CFAP20DC: variants seen among roughly 807,000 people sequenced by gnomAD.
CFAP20DC encodes the protein protein CFAP20DC.
A neutral mutation model predicts 101.7 loss-of-function variants in CFAP20DC; 84 were observed. That is an observed-to-expected ratio of 0.83 (90% CI 0.69 to 0.99). The LOEUF is 0.99. Among genes scored for constraint, CFAP20DC ranks in the 50% least tolerant of loss-of-function variants. The pLI is 0.00. For missense variants in CFAP20DC, 1,007 were observed against 970.3 expected, an observed-to-expected ratio of 1.04 and a Z score of -0.50; for synonymous variants, 359 against 351.2, an observed-to-expected ratio of 1.02 and a Z score of -0.25.
At chr3:58,800,669 A>G (rs1254388738) in intron 15 of CFAP20DC, among the ~76,000 whole-genome samples, 1 of 152,202 alleles carries the variant, frequency 6.6e-6, no homozygotes, top group East Asian at 1.9e-4. Flanking sequence ...CTTAAAGACT[A>G]GGGCTATTCC....
At chr3:58,822,018 C>T (rs1357766701) in intron 14 of CFAP20DC, among the ~76,000 whole-genome samples, 1 of 144,294 alleles carries the variant, frequency 6.9e-6, no homozygotes, top group Non-Finnish European at 1.5e-5. Context: ...AATTGGAAAT[C>T]ATCATTCTCA....
intron 4 of CFAP20DC, among the ~76,000 whole-genome samples, chr3:59,008,948 T>C (rs1294334555): frequency 6.6e-6 from 1 of 151,830 alleles, no homozygotes; most frequent in Non-Finnish European, 1.5e-5. Flanking sequence ...AAGAGATCCC[T>C]GCCATTATAA....
At chr3:58,930,817 G>A (rs981483804) in intron 5 of CFAP20DC, among the ~76,000 whole-genome samples, 2 of 152,258 alleles carry the variant, frequency 1.3e-5, no homozygotes, top group East Asian at 1.9e-4. Context: ...GAACAGCTCC[G>A]GTCTACAGCT....
chr3:58,886,028 T>C (rs181524016), intron 6 of CFAP20DC, among the ~76,000 whole-genome samples: 60 of 152,272 alleles, frequency 3.9e-4, no homozygotes, highest in Admixed American at 1.8e-3. Flanking sequence ...TGACCTCTTT[T>C]ATAGTAAATA....
chr3:58,819,404 TAAAG>T (rs1188684631), intron 14 of CFAP20DC, among the ~76,000 whole-genome samples: 2 of 150,418 alleles, frequency 1.3e-5, no homozygotes, highest in African/African-American at 2.4e-5. Flanking sequence ...GCAAGACTAA[TAAAG>T]AAAAAAAGAG....
rs1458143072 is a variant in CFAP20DC at position 58,912,569 on chromosome 3, TG to T, written c.550+1138del. ...ATAGAAACTTCTAAGTAATCACCTT[TG>T]ACATCTTATATGCAGCCCTGCTTCC... is the stretch of plus-strand genomic sequence containing the variant. On this transcript the variant is annotated intron_variant, in intron 6 of 16. Transcript: ENST00000482387. The surrounding 1 kb of genome is among the most constrained non-coding windows in gnomAD (Gnocchi z 4.4). 13 of 357,290 alleles carry T rather than the reference TG, an allele frequency of 3.6e-5. No individual in the cohort carries two copies. Among genetic ancestry groups the T allele is most frequent in the African/African-American group, 2.8e-4 (13 of 46,302 alleles). 22.1% of individuals were successfully genotyped at this position (357,290 alleles called of 1,614,324 possible).
chr3:58,865,538 T>C (rs748870655), intron 11 of CFAP20DC, among the ~76,000 whole-genome samples: 1 of 152,110 alleles, frequency 6.6e-6, no homozygotes, highest in Non-Finnish European at 1.5e-5. Flanking sequence ...TGCAGGGGCA[T>C]ATGGTCCTGA....
At position 59,049,644 on chromosome 3, in the gene CFAP20DC, C is replaced by A. The variant is rs1414908129; in HGVS notation, c.-13G>T. On this transcript the variant is annotated 5_prime_UTR_variant, in exon 1 of 17. Coordinates refer to ENST00000482387, the MANE Select transcript of CFAP20DC (RefSeq NM_001394063.1). ...CATTTTTGAACATTCCCGCAGGGGG[C>A]CCAGGGCTTGGGGGGCACAGAGTTC... 3.9e-6 allele frequency: 6 copies of A among 1,535,938 alleles called. No individual in the cohort carries two copies. The highest frequency in any genetic ancestry group is 4.4e-6 in the Non-Finnish European group (5 of 1,146,870).
At chr3:58,982,537 A>T (rs2092597378) in intron 4 of CFAP20DC, among the ~76,000 whole-genome samples, 1 of 152,122 alleles carries the variant, frequency 6.6e-6, no homozygotes, top group African/African-American at 2.4e-5. Context: ...TAAAAAATGA[A>T]GAGTTCATGT....
At chr3:58,758,539 A>ATTTG (rs2069178924) in intron 15 of CFAP20DC, among the ~76,000 whole-genome samples, 1 of 151,696 alleles carries the variant, frequency 6.6e-6, no homozygotes, top group Admixed American at 6.6e-5. Flanking sequence ...ATCCTTATTT[A>ATTTG]TTTATTTATT....
At chr3:58,791,494 A>T (rs2107636379) in intron 15 of CFAP20DC, among the ~76,000 whole-genome samples, 1 of 152,302 alleles carries the variant, frequency 6.6e-6, no homozygotes, top group Middle Eastern at 3.4e-3. Context: ...GAAACCCCTT[A>T]TTCTACTATA....
intron 15 of CFAP20DC, among the ~76,000 whole-genome samples, chr3:58,791,587 A>C (rs1048545606): frequency 6.6e-6 from 1 of 152,224 alleles, no homozygotes; most frequent in Non-Finnish European, 1.5e-5. Flanking sequence ...CTGTATTTCC[A>C]ATGACAATGT....
At chr3:58,785,388 T>C (rs1043418027) in intron 15 of CFAP20DC, among the ~76,000 whole-genome samples, 14 of 152,082 alleles carry the variant, frequency 9.2e-5, no homozygotes, top group Admixed American at 2.0e-4. Context: ...AAGGTAACTA[T>C]ATTTAGCAAA....
chr3:58,816,983 CT>C (rs1186338251), intron 14 of CFAP20DC, among the ~76,000 whole-genome samples: 1 of 152,176 alleles, frequency 6.6e-6, no homozygotes, highest in Non-Finnish European at 1.5e-5. Context: ...TCCCTGGCCC[CT>C]GACCCCCGAG....
At chr3:58,792,979 T>C (rs144666350) in intron 15 of CFAP20DC, among the ~76,000 whole-genome samples, 1 of 152,298 alleles carries the variant, frequency 6.6e-6, no homozygotes, top group Non-Finnish European at 1.5e-5. Context: ...GTAAGGGCAC[T>C]GCTGTGGTAT....
intron 6 of CFAP20DC, among the ~76,000 whole-genome samples, chr3:58,910,983 G>T (rs1655852218): frequency 6.6e-6 from 1 of 152,046 alleles, no homozygotes; most frequent in Non-Finnish European, 1.5e-5. Flanking sequence ...TGAGCTAAAT[G>T]CTTTAAAATA....
At chr3:58,738,117 G>T (rs566735407), downstream of CFAP20DC, among the ~76,000 whole-genome samples, 62 of 152,186 alleles carry the variant, frequency 4.1e-4, no homozygotes, top group African/African-American at 1.4e-3. This position sits in a 1 kb window ranked among gnomAD's most constrained non-coding sequence, Gnocchi z 4.4. Context: ...AATGCAAAAT[G>T]AATGATGTAC....
At chr3:58,862,829 A>T in intron 12 of CFAP20DC, 1 of 985,174 alleles carries the variant, frequency 1.0e-6, no homozygotes, top group Non-Finnish European at 1.2e-6. Flanking sequence ...GACCATCGTT[A>T]AAAATAATGC....
chr3:59,028,544 T>G (rs909643546), intron 4 of CFAP20DC, among the ~76,000 whole-genome samples: 3 of 152,204 alleles, frequency 2.0e-5, no homozygotes, highest in African/African-American at 7.2e-5. Context: ...CTACTACTTA[T>G]GCATATATGT....
Sources: allele counts gnomAD v4.1 joint callset (sites outside exome capture counted in the v4.1 genomes callset), GRCh38; gene constraint gnomAD v4.1.1; non-coding constraint Gnocchi (gnomAD v3.1); transcripts MANE v1.5; gene names NCBI Gene and HGNC (gene_info 2026-07-23, HGNC 2026-07-21).